RBPJ: variants seen among roughly 807,000 people sequenced by gnomAD.
The protein encoded by RBPJ is recombining binding protein suppressor of hairless.
A neutral mutation model predicts 67.8 loss-of-function variants in RBPJ; 9 were observed. The ratio of observed to expected loss-of-function variants is 0.13; its 90% CI spans 0.08 to 0.23. The LOEUF (loss-of-function observed/expected upper bound fraction) is 0.23, where lower values mean the gene tolerates loss of function less well. Among genes scored for constraint, RBPJ ranks in the 10% least tolerant of loss-of-function variants. RBPJ has a pLI of 1.00. For synonymous variants in RBPJ, 198 were observed against 203.3 expected (o/e 0.97, Z 0.22); for missense variants, 305 against 595.6 (o/e 0.51, Z 5.08).
At chr4:26,421,414 C>A (rs1735128761) in intron 5 of RBPJ, among the ~76,000 whole-genome samples, 1 of 152,074 alleles carries the variant, frequency 6.6e-6, no homozygotes, top group African/African-American at 2.4e-5. Flanking sequence ...CCAATCCTCC[C>A]TGCCTCAGCC....
chr4:26,217,106 G>A (rs554609647), intron 1 of RBPJ, among the ~76,000 whole-genome samples: 204 of 152,272 alleles, frequency 1.3e-3, no homozygotes, highest in African/African-American at 4.4e-3. Context: ...AGGTAGAGTG[G>A]AATGGGTAGG....
intron 1 of RBPJ, among the ~76,000 whole-genome samples, chr4:26,172,834 T>C (rs2109119983): frequency 6.6e-6 from 1 of 152,324 alleles, no homozygotes; most frequent in South Asian, 2.1e-4. Context: ...CTGCCTAGAC[T>C]ACATAACTTA....
chr4:26,229,530 T>C (rs909861574), intron 1 of RBPJ, among the ~76,000 whole-genome samples: 12 of 152,184 alleles, frequency 7.9e-5, no homozygotes, highest in Admixed American at 7.9e-4. Context: ...TACCTGCCCC[T>C]TTAATTTTTC....
intron 1 of RBPJ, among the ~76,000 whole-genome samples, chr4:26,179,768 A>G (rs1186570190): frequency 6.6e-6 from 1 of 152,248 alleles, no homozygotes; most frequent in Non-Finnish European, 1.5e-5. Flanking sequence ...TGATTTCTCA[A>G]AGGGCTAAAG....
At chr4:26,358,047 G>GTGTGTGTGTGTGTA (rs947260497) in intron 1 of RBPJ, among the ~76,000 whole-genome samples, 3 of 151,426 alleles carry the variant, frequency 2.0e-5, no homozygotes, top group African/African-American at 7.3e-5. Flanking sequence ...GTGTGTGTGT[G>GTGTGTGTGTGTGTA]TGTGTATTTA....
intron 5 of RBPJ, among the ~76,000 whole-genome samples, chr4:26,423,638 T>G (rs1462411437): frequency 1.3e-5 from 2 of 152,226 alleles, no homozygotes; most frequent in Admixed American, 6.5e-5. Flanking sequence ...GATTACACAG[T>G]TTTATGTAAC....
chr4:26,354,725 C>G (rs1210705380), intron 1 of RBPJ, among the ~76,000 whole-genome samples: 1 of 152,146 alleles, frequency 6.6e-6, no homozygotes, highest in South Asian at 2.1e-4. Flanking sequence ...GCTGCAGTTA[C>G]AGGCATGAGC....
At chr4:26,298,852 G>A (rs186930473) in intron 1 of RBPJ, among the ~76,000 whole-genome samples, 142 of 152,244 alleles carry the variant, frequency 9.3e-4, no homozygotes, top group African/African-American at 3.0e-3. Context: ...AGTTATCAAC[G>A]TACAAAATAA....
the RBPJ span, among the ~76,000 whole-genome samples, chr4:26,129,805 C>T: frequency 4.6e-5 from 7 of 152,076 alleles, no homozygotes; most frequent in African/African-American, 7.2e-5. Context: ...TGGAGGTGGA[C>T]ATCACCTGAA....
chr4:26,191,760 G>C (rs1717560397), intron 1 of RBPJ, among the ~76,000 whole-genome samples: 1 of 152,054 alleles, frequency 6.6e-6, no homozygotes, highest in Non-Finnish European at 1.5e-5. Flanking sequence ...GGTCATAAAG[G>C]CACTCTTTGC....
chr4:26,338,905 ACT>A (rs1725200621), intron 1 of RBPJ, among the ~76,000 whole-genome samples: 1 of 149,824 alleles, frequency 6.7e-6, no homozygotes, highest in African/African-American at 2.5e-5. Context: ...ACAGAATCTC[ACT>A]CTGTCTCGAT....
chr4:26,316,522 T>TATATATATTCATATATATTC, upstream of RBPJ, among the ~76,000 whole-genome samples: 1 of 114,824 alleles, frequency 8.7e-6, no homozygotes, highest in Non-Finnish European at 1.8e-5. Context: ...TATATATTCA[T>TATATATATTCATATATATTC]ATATATATTC....
intron 2 of RBPJ, among the ~76,000 whole-genome samples, chr4:26,394,470 CAA>C (rs746553983): frequency 6.5e-5 from 7 of 107,046 alleles, no homozygotes; most frequent in South Asian, 5.8e-4. Context: ...ACTGTCAGTT[CAA>C]AAAAAAAAAA....
At chr4:26,226,725 C>T (rs1719088688) in intron 1 of RBPJ, among the ~76,000 whole-genome samples, 2 of 152,122 alleles carry the variant, frequency 1.3e-5, no homozygotes, top group Admixed American at 1.3e-4. Flanking sequence ...ACTCATTTAT[C>T]TAGAATGTCA....
At chr4:26,415,714 G>T in intron 4 of RBPJ, 74 bp downstream of exon 4, 1 of 1,403,372 alleles carries the variant, frequency 7.1e-7, no homozygotes, top group South Asian at 1.4e-5. Context: ...TCATTTTTGT[G>T]GTGGAGATTT....
At chr4:26,323,708 T>C (rs895704165) in intron 1 of RBPJ, among the ~76,000 whole-genome samples, 19 of 152,196 alleles carry the variant, frequency 1.2e-4, no homozygotes, top group East Asian at 3.8e-4. Flanking sequence ...TACCAACAGA[T>C]TTCTATCAAT....
At chr4:26,135,664 C>G in the RBPJ span, among the ~76,000 whole-genome samples, 2 of 152,108 alleles carry the variant, frequency 1.3e-5, no homozygotes, top group Non-Finnish European at 2.9e-5. Context: ...ACCTAAAAGG[C>G]CTGGCTAGGT....
intron 1 of RBPJ, among the ~76,000 whole-genome samples, chr4:26,258,731 C>T (rs377411113): frequency 2.0e-5 from 3 of 152,158 alleles, no homozygotes; most frequent in Non-Finnish European, 4.4e-5. Flanking sequence ...TTAACCCTAT[C>T]GATGCAGTCT....
the RBPJ span, among the ~76,000 whole-genome samples, chr4:26,120,714 CTTTTTTTTTTTTT>C: frequency 9.6e-5 from 8 of 83,032 alleles, no homozygotes; most frequent in African/African-American, 3.3e-4. Flanking sequence ...ATTTTCTCAA[CTTTTTTTTTTTTT>C]TTTTTTTTTT....
Sources: allele counts gnomAD v4.1 joint callset (sites outside exome capture counted in the v4.1 genomes callset), GRCh38; gene constraint gnomAD v4.1.1; transcripts MANE v1.5; gene names NCBI Gene and HGNC (gene_info 2026-07-23, HGNC 2026-07-21).